The following HDAC4 variants were observed in gnomAD, a reference collection of about 807,000 sequenced individuals.
The protein encoded by HDAC4 is histone deacetylase 4.
Under a neutral mutation model 135.1 loss-of-function variants are expected in HDAC4, and 16 were observed. That is an observed-to-expected ratio of 0.12 (90% CI 0.08 to 0.18). HDAC4 has a LOEUF of 0.18. Ranked by LOEUF, HDAC4 falls within the 10% of genes least tolerant of loss-of-function variation. HDAC4 has a pLI of 1.00. For synonymous variants in HDAC4, 685 were observed against 653.4 expected (o/e 1.05, Z -0.74); for missense variants, 1,143 against 1,511.8 (o/e 0.76, Z 4.05).
At chr2:239,311,740 G>A (rs548498143) in intron 2 of HDAC4, among the ~76,000 whole-genome samples, 26 of 152,268 alleles carry the variant, frequency 1.7e-4, no homozygotes, top group African/African-American at 4.8e-4. Context: ...ATTCTGACAC[G>A]AAGCTCCCGT....
intron 1 of HDAC4, among the ~76,000 whole-genome samples, chr2:239,377,844 G>A (rs1056827114): frequency 2.9e-4 from 44 of 152,086 alleles, no homozygotes; most frequent in African/African-American, 8.0e-4. Context: ...TGATCACCGC[G>A]CTGAGCTCAG....
Position 239,305,235 on chromosome 2 carries a change from C to A in HDAC4, c.22+47443G>T, listed in dbSNP as rs565903395. Among the ~76,000 whole-genome samples, 24 of 152,342 alleles carry A rather than the reference C, an allele frequency of 1.6e-4. 1 individual carries two copies. The highest frequency in any genetic ancestry group is 6.8e-3 in the Middle Eastern group (2 of 294). ...AACTGCATGGCCATGACCAAGCAGT[C>A]GGTTTTCATCCAGGTTGGTAGTCAG... On this transcript the variant is annotated intron_variant, in intron 2 of 26. Transcript: ENST00000543185.
At chr2:239,391,954 C>A (rs371972386) in intron 1 of HDAC4, among the ~76,000 whole-genome samples, 6 of 152,352 alleles carry the variant, frequency 3.9e-5, no homozygotes, top group African/African-American at 1.4e-4. Context: ...GAAAGACACT[C>A]TTCTTCAGGG....
At chr2:239,169,752 T>C (rs2043337123) in intron 5 of HDAC4, among the ~76,000 whole-genome samples, 1 of 152,142 alleles carries the variant, frequency 6.6e-6, no homozygotes, top group Admixed American at 6.5e-5. Flanking sequence ...TGTGCAGCCC[T>C]GTCTGCAGGG....
Position 239,352,742 on chromosome 2 carries a change from A to C in HDAC4, c.-43T>G, listed in dbSNP as rs1400476988. The C allele has an allele frequency of 6.5e-7, 1 of 1,546,288 alleles. No homozygotes were observed. The highest frequency in any genetic ancestry group is 2.0e-5 in the Admixed American group (1 of 51,276). The stretch of plus-strand genomic sequence containing the variant: ...CCTTTAAGTGATTCGAAATGGCTCA[A>C]AATTTCCACGGAAACGATAGCTCCA... On this transcript the variant is annotated 5_prime_UTR_variant, in exon 2 of 27. Coordinates refer to ENST00000543185, the MANE Select transcript of HDAC4 (RefSeq NM_001378414.1). The surrounding 1 kb of genome is among the most constrained non-coding windows in gnomAD (Gnocchi z 4.4).
rs2042444466 is a variant in HDAC4 at position 239,156,690 on chromosome 2, A to G, written c.695T>C (p.Met232Thr). 2 of 1,614,144 alleles carry G rather than the reference A, an allele frequency of 1.2e-6. No individual in the cohort carries two copies. The highest frequency in any genetic ancestry group is 2.2e-5 in the South Asian group (2 of 91,080). ...STSYNHPVLG[M>T]YDAKDDFPLR... ...AGGGAAGTCATCTTTGGCGTCGTAC[A>G]TTCCCAGGACCGGGTGGTTATAGGA... is the stretch of plus-strand genomic sequence containing the variant. Residue 232 changes from methionine (M) to threonine (T), a missense_variant, in exon 7 of 27, where the codon ATG becomes ACG. Transcript: ENST00000543185.
chr2:239,082,344 C>T (rs956549564), intron 20 of HDAC4, 123 bp from the exon 21 acceptor site: 2 of 1,312,334 alleles, frequency 1.5e-6, no homozygotes. Context: ...AATGACATTA[C>T]CCTCCAGCTG....
rs536405815 is a variant in HDAC4 at position 239,090,575 on chromosome 2, C to A, written c.2281-459G>T. Among the ~76,000 whole-genome samples the A allele has an allele frequency of 1.5e-4, 22 of 150,068 alleles. 1 individual carries two copies. In the East Asian group the frequency reaches 2.6e-3, roughly 17 times the overall value. ...GGAAGATCACTTGAGCCCAGGAGGTCGAGGCCGCAGTGAGCCATGAATGCA... is the reference window on the plus strand; with the variant it reads ...GGAAGATCACTTGAGCCCAGGAGGTAGAGGCCGCAGTGAGCCATGAATGCA... On this transcript the variant is annotated intron_variant, in intron 17 of 26. Transcript: ENST00000543185.
intron 3 of HDAC4, among the ~76,000 whole-genome samples, chr2:239,190,545 C>T (rs1227222311): frequency 6.6e-6 from 1 of 152,234 alleles, no homozygotes; most frequent in Non-Finnish European, 1.5e-5. Flanking sequence ...CCATCGAAGT[C>T]ACCGTGCCGC....
In HDAC4 at chr2:239,316,957, T is replaced by C. The variant is rs2053136731; in HGVS notation, c.22+35721A>G. Among the ~76,000 whole-genome samples the C allele has an allele frequency of 3.3e-5, 5 of 152,092 alleles. No homozygotes were observed. The South Asian group carries it at 1.0e-3, about 31-fold the overall frequency. On this transcript the variant is annotated intron_variant, in intron 2 of 26. Coordinates refer to ENST00000543185, the MANE Select transcript of HDAC4 (RefSeq NM_001378414.1). Reference sequence around the variant, plus strand: ...GTACACAGGGGGAAAAATTCTAAACTGAAATACAAACAGAAACAAATAACC... The same window carrying C: ...GTACACAGGGGGAAAAATTCTAAACCGAAATACAAACAGAAACAAATAACC...
rs1336436214 is a variant in HDAC4, at chr2:239,400,496, G to A, written c.-220+482C>T. On this transcript the variant is annotated intron_variant, in intron 1 of 26. Coordinates refer to ENST00000543185, the MANE Select transcript of HDAC4 (RefSeq NM_001378414.1). The surrounding 1 kb of genome is among the most constrained non-coding windows in gnomAD (Gnocchi z 4.7). ...CGGCGCGGGTGGAAAGGTCCAGAAG[G>A]GGCCGGGCGGCCCTGGGGACCGGCG... 6.8e-6 allele frequency: 1 copy of A among 146,140 alleles called. No individual in the cohort carries two copies. The highest frequency in any genetic ancestry group is 1.5e-5 in the Non-Finnish European group (1 of 65,702). 9.1% of individuals were successfully genotyped at this position (146,140 alleles called of 1,614,324 possible).
At chr2:239,295,046 G>A (rs541561763) in intron 2 of HDAC4, among the ~76,000 whole-genome samples, 3 of 152,170 alleles carry the variant, frequency 2.0e-5, no homozygotes, top group South Asian at 2.1e-4. Flanking sequence ...GGTGGCTCAC[G>A]CCTGTAATCC....
At chr2:239,059,814 G>A (rs1265646812) in intron 24 of HDAC4, among the ~76,000 whole-genome samples, 1 of 151,862 alleles carries the variant, frequency 6.6e-6, no homozygotes, top group African/African-American at 2.4e-5. Flanking sequence ...TCTCCTGGGG[G>A]CCTTGGACCC....
intron 1 of HDAC4, among the ~76,000 whole-genome samples, chr2:239,371,952 C>T (rs1694653387): frequency 1.3e-5 from 2 of 152,228 alleles, no homozygotes; most frequent in Non-Finnish European, 1.5e-5. Context: ...CAATGCCCCA[C>T]AAACATCCAG....
chr2:239,211,667 A>C (rs943743980), intron 3 of HDAC4, among the ~76,000 whole-genome samples: 15 of 152,210 alleles, frequency 9.9e-5, no homozygotes, highest in Non-Finnish European at 7.3e-5. Flanking sequence ...ATGATTCAAA[A>C]GCTGAAGCTG....
chr2:239,303,402 G>A lies in HDAC4; in HGVS notation c.22+49276C>T, dbSNP rs1230567105. On this transcript the variant is annotated intron_variant, in intron 2 of 26. Transcript: ENST00000543185. The surrounding 1 kb of genome is among the most constrained non-coding windows in gnomAD (Gnocchi z 5.1). ...GAAGGGAAACGTCCCTCACCCTTCTGCAGTCGCCACCGAGCACTCGTGGTG... is the reference window on the plus strand; with the variant it reads ...GAAGGGAAACGTCCCTCACCCTTCTACAGTCGCCACCGAGCACTCGTGGTG... 1.3e-5 allele frequency among the ~76,000 whole-genome samples: 2 copies of A among 152,120 alleles called. No homozygotes were observed. Among genetic ancestry groups the A allele is most frequent in the African/African-American group, 4.8e-5 (2 of 41,414 alleles).
intron 3 of HDAC4, among the ~76,000 whole-genome samples, chr2:239,195,931 T>C (rs1259565566): frequency 6.6e-6 from 1 of 152,220 alleles, no homozygotes; most frequent in African/African-American, 2.4e-5. Context: ...TAAAGAAGCA[T>C]ACTGATTTTC....
chr2:239,147,843 G>C (rs1365810381), intron 7 of HDAC4, among the ~76,000 whole-genome samples: 1 of 152,230 alleles, frequency 6.6e-6, no homozygotes, highest in East Asian at 1.9e-4. Context: ...AAAATTCAAC[G>C]CAGTGCCCAA....
chr2:239,087,843 C>T (rs1043203743), intron 18 of HDAC4, among the ~76,000 whole-genome samples: 11 of 139,812 alleles, frequency 7.9e-5, no homozygotes, highest in East Asian at 2.1e-4. Flanking sequence ...ATGGTTCCCC[C>T]GAAACGCAGT....
Sources: gnomAD v4.1 joint callset for allele counts (sites outside exome capture counted in the v4.1 genomes callset) on GRCh38, gnomAD v4.1.1 for gene constraint, Gnocchi (gnomAD v3.1) non-coding constraint, MANE v1.5 for transcripts, NCBI Gene and HGNC (gene_info 2026-07-23, HGNC 2026-07-21) for gene names.